The following SYTL2 variants were observed in gnomAD, a reference collection of about 807,000 sequenced individuals.
SYTL2 encodes the protein synaptotagmin-like protein 2.
In SYTL2, 165 loss-of-function variants were observed where a neutral mutation model predicts 198.7. The ratio of observed to expected loss-of-function variants is 0.83; its 90% confidence interval spans 0.73 to 0.94. The LOEUF (loss-of-function observed/expected upper bound fraction) is 0.94. Among genes scored for constraint, SYTL2 ranks in the 40% least tolerant of loss-of-function variants. SYTL2 has a pLI of 0.00. For synonymous variants in SYTL2, 966 were observed against 917.7 expected, an observed-to-expected ratio of 1.05 and a Z score of -0.95; for missense variants, 2,835 against 2,582.8, an observed-to-expected ratio of 1.10 and a Z score of -2.12.
intron 2 of SYTL2, among the ~76,000 whole-genome samples, chr11:85,749,961 G>C (rs193231394): frequency 2.0e-5 from 3 of 152,212 alleles, no homozygotes; most frequent in Admixed American, 1.3e-4. Flanking sequence ...ATCAGATGAG[G>C]CTCCTGACCA....
intron 2 of SYTL2, among the ~76,000 whole-genome samples, chr11:85,751,774 C>T (rs1405428635): frequency 6.6e-6 from 1 of 152,236 alleles, no homozygotes; most frequent in African/African-American, 2.4e-5. Context: ...CTTACAATTT[C>T]ACCATGCTGT....
chr11:85,820,789 T>C, the SYTL2 span, among the ~76,000 whole-genome samples: 37 of 152,354 alleles, frequency 2.4e-4, 1 homozygote, highest in South Asian at 6.4e-3. Flanking sequence ...GAGAGATGTA[T>C]ACATACGTAA....
chr11:85,769,139 T>C (rs1248039819), intron 1 of SYTL2, among the ~76,000 whole-genome samples: 1 of 152,264 alleles, frequency 6.6e-6, no homozygotes, highest in East Asian at 1.9e-4. Context: ...GTTAATTCTA[T>C]GGTAGGCAGA....
intron 1 of SYTL2, among the ~76,000 whole-genome samples, chr11:85,789,135 G>C (rs1015186868): frequency 6.7e-6 from 1 of 150,300 alleles, no homozygotes; most frequent in Non-Finnish European, 1.5e-5. Flanking sequence ...TTTTGAGATA[G>C]GGTCTCACTC....
At chr11:85,849,608 G>A in the SYTL2 span, among the ~76,000 whole-genome samples, 9 of 149,696 alleles carry the variant, frequency 6.0e-5, no homozygotes, top group Non-Finnish European at 8.9e-5. Context: ...GATATGCGGC[G>A]TTATTTCTGA....
In SYTL2 at chr11:85,725,776, A is replaced by G. The variant is rs1392004379; in HGVS notation, c.3582T>C (p.His1194=). The change falls in exon 8 of 20, where the codon CAT becomes CAC. Residue 1194 remains histidine, a synonymous_variant. Coordinates refer to ENST00000359152, the MANE Select transcript of SYTL2 (RefSeq NM_206927.4). ...VKGPEKIINE[H]VDKTVVHPKV... is the part of the protein sequence containing the mutation. ...TTGGATGAACTACTGTTTTGTCAAC[A>G]TGCTCATTAATGATCTTCTCAGGTC... is the stretch of plus-strand genomic sequence containing the variant. 3.7e-6 allele frequency: 6 copies of G among 1,614,206 alleles called. No homozygotes were observed. Among genetic ancestry groups the G allele is most frequent in the South Asian group, 1.1e-5 (1 of 91,082 alleles).
chr11:85,836,220 A>C, the SYTL2 span, among the ~76,000 whole-genome samples: 1 of 152,066 alleles, frequency 6.6e-6, no homozygotes. Flanking sequence ...CTTCTGCTCA[A>C]AATCATTGTT....
intron 1 of SYTL2, among the ~76,000 whole-genome samples, chr11:85,771,991 C>T (rs1454009018): frequency 6.6e-6 from 1 of 152,188 alleles, no homozygotes; most frequent in Non-Finnish European, 1.5e-5. Context: ...CAAACTCCGC[C>T]TCCTGGGCTT....
chr11:85,800,229 T>C (rs954680114), intron 1 of SYTL2, among the ~76,000 whole-genome samples: 1 of 152,160 alleles, frequency 6.6e-6, no homozygotes, highest in Non-Finnish European at 1.5e-5. Context: ...GCTTGGGGAT[T>C]GGCACATGAA....
Position 85,734,265 on chromosome 11 carries a change from C to T in SYTL2, c.1064G>A (p.Gly355Glu), listed in dbSNP as rs2153488294. 1.9e-6 allele frequency: 3 copies of T among 1,614,176 alleles called. No individual in the cohort carries two copies. Among genetic ancestry groups the T allele is most frequent in the Non-Finnish European group, 2.5e-6 (3 of 1,180,006 alleles). The change falls in exon 7 of 20, where the codon GGA (glycine) becomes GAA (glutamate). Residue 355 changes from glycine to glutamate, a missense_variant. By Grantham distance (98) the Gly-to-Glu change is moderately conservative (BLOSUM62 -2). Around this residue, in one of 3 missense-constraint regions of SYTL2, gnomAD observed 2,645 missense variants for 2,381.7 expected, o/e 1.11. Coordinates refer to ENST00000359152, the MANE Select transcript of SYTL2 (RefSeq NM_206927.4). Reference sequence around the variant, plus strand: ...GTCAGATTCTAAAACACTAAATTCTCCTACTTCCCGACCATGGATTAGCCC... The same window carrying T: ...GTCAGATTCTAAAACACTAAATTCTTCTACTTCCCGACCATGGATTAGCCC... ...SPGLIHGREV[G>E]EFSVLESDRL...
chr11:85,813,372 G>GTTTAATCTTTTA (rs2093057406), upstream of SYTL2, among the ~76,000 whole-genome samples: 3 of 152,306 alleles, frequency 2.0e-5, no homozygotes, highest in South Asian at 6.2e-4. Context: ...ATTAAAAGAA[G>GTTTAATCTTTTA]ATGCACATGT....
chr11:85,757,418 C>T (rs1284663062), intron 2 of SYTL2, among the ~76,000 whole-genome samples: 4 of 151,944 alleles, frequency 2.6e-5, no homozygotes, highest in African/African-American at 9.7e-5. Context: ...TAATCAAGAC[C>T]CTATTTCTGG....
intron 4 of SYTL2, among the ~76,000 whole-genome samples, chr11:85,743,463 C>A (rs1001029636): frequency 9.9e-5 from 15 of 152,136 alleles, no homozygotes; most frequent in Admixed American, 2.6e-4. Flanking sequence ...GTAATAATAA[C>A]AATTTTCATG....
At chr11:85,741,686 C>T (rs577781555) in intron 4 of SYTL2, among the ~76,000 whole-genome samples, 29 of 152,272 alleles carry the variant, frequency 1.9e-4, no homozygotes, top group African/African-American at 6.7e-4. Context: ...ACCTTACACT[C>T]ATCTTAATAC....
chr11:85,777,823 T>TTTTC, intron 1 of SYTL2, among the ~76,000 whole-genome samples: 1 of 135,100 alleles, frequency 7.4e-6, no homozygotes, highest in African/African-American at 2.7e-5. Flanking sequence ...TTTTTTTTTT[T>TTTTC]TTTTTTTTTT....
intron 7 of SYTL2, among the ~76,000 whole-genome samples, chr11:85,731,279 G>A (rs548699613): frequency 4.6e-5 from 7 of 152,168 alleles, no homozygotes; most frequent in South Asian, 2.1e-4. Flanking sequence ...TAGCCAACAC[G>A]TTCCTAAGCA....
intron 2 of SYTL2, 105 bp from the exon 3 acceptor site, chr11:85,748,528 C>T: frequency 4.0e-6 from 5 of 1,244,980 alleles, no homozygotes; most frequent in Non-Finnish European, 5.5e-6. Context: ...TAAAATGAAG[C>T]TTTAATATTT....
chr11:85,697,514 T>C (rs1458921306), intron 18 of SYTL2, among the ~76,000 whole-genome samples: 1 of 152,238 alleles, frequency 6.6e-6, no homozygotes, highest in Non-Finnish European at 1.5e-5. Context: ...AAACCCAAAC[T>C]GTCTCAAGCT....
intron 1 of SYTL2, among the ~76,000 whole-genome samples, chr11:85,768,337 G>A (rs2092288339): frequency 1.3e-5 from 2 of 152,330 alleles, no homozygotes; most frequent in South Asian, 4.1e-4. Context: ...GAATGCACTT[G>A]TAGCTTTGGA....
Sources: allele counts gnomAD v4.1 joint callset (sites outside exome capture counted in the v4.1 genomes callset), GRCh38; gene constraint gnomAD v4.1.1; regional missense constraint gnomAD v4.1.1; transcripts MANE v1.5; gene names NCBI Gene and HGNC (gene_info 2026-07-23, HGNC 2026-07-21).